The following ITPRIP variants were observed in gnomAD, a reference collection of about 807,000 sequenced individuals.
The protein encoded by ITPRIP is inositol 1,4,5-trisphosphate receptor-interacting protein.
A neutral mutation model predicts 35.8 loss-of-function variants in ITPRIP; 32 were observed. The observed-to-expected ratio is 0.89, with a 90% CI of 0.68 to 1.20. The LOEUF (loss-of-function observed/expected upper bound fraction) is 1.20, where lower values mean the gene tolerates loss of function less well. ITPRIP is among the 50% of genes most tolerant of loss of function. The pLI is 0.00. For synonymous variants in ITPRIP, 358 were observed against 324.0 expected (o/e 1.11, Z -1.13); for missense variants, 653 against 735.6 (o/e 0.89, Z 1.30).
At chr10:104,324,190 T>C (rs978936182) in intron 1 of ITPRIP, among the ~76,000 whole-genome samples, 1 of 152,208 alleles carries the variant, frequency 6.6e-6, no homozygotes, top group Non-Finnish European at 1.5e-5. Context: ...CTGCTCAGCC[T>C]GATTGGCTCC....
Position 104,313,492 on chromosome 10 carries a change from C to T in ITPRIP, c.*916G>A. The stretch of plus-strand genomic sequence containing the variant: ...AGTTTCTTTTCCAGCTGTCCTTTGC[C>T]ACAGTCACCCCGTGTGTCTCTTTCT... On this transcript the variant is annotated 3_prime_UTR_variant, in exon 2 of 2. Coordinates refer to ENST00000337478, the MANE Select transcript of ITPRIP (RefSeq NM_001272013.2). 7.1e-6 allele frequency: 7 copies of T among 985,716 alleles called. No individual in the cohort carries two copies. The highest frequency in any genetic ancestry group is 7.2e-6 in the Non-Finnish European group (6 of 830,140). 61.1% of individuals were successfully genotyped at this position (985,716 alleles called of 1,614,324 possible).
chr10:104,315,296 T>C lies in ITPRIP; in HGVS notation c.756A>G (p.Thr252=). 4 of 1,593,830 alleles carry C rather than the reference T, an allele frequency of 2.5e-6. No individual in the cohort carries two copies. The highest frequency in any genetic ancestry group is 2.2e-5 in the East Asian group (1 of 44,656). The change falls in exon 2 of 2, where the codon ACA becomes ACG. Residue 252 remains threonine (T), a synonymous_variant. Transcript: ENST00000337478. This position sits in a 1 kb window ranked among gnomAD's most constrained non-coding sequence, Gnocchi z 5.7. ...QIKVVRADGD[T]LSCICGKTKL... is the part of the protein sequence containing the mutation. ...TGGTCTTGCCGCAGATGCAGCTCAA[T>C]GTGTCCCCATCGGCGCGGACCACCT...
At position 104,311,598 on chromosome 10, in the gene ITPRIP, G is replaced by A. The variant is rs1338274585; in HGVS notation, c.*2810C>T. ...GGGGCTAGAGCTTTTGAGGATATAA[G>A]GCCCTTCCCCAACATAACCAGCCTC... is the stretch of plus-strand genomic sequence containing the variant. On this transcript the variant is annotated 3_prime_UTR_variant, in exon 2 of 2. Coordinates refer to ENST00000337478, the MANE Select transcript of ITPRIP (RefSeq NM_001272013.2). 10 of 152,314 alleles carry A rather than the reference G, an allele frequency of 6.6e-5. No homozygotes were observed. The East Asian group carries it at 1.9e-3, about 29-fold the overall frequency. 9.4% of individuals were successfully genotyped at this position (152,314 alleles called of 1,614,324 possible).
chr10:104,316,685 T>TTCATTTA (rs2013703132), intron 1 of ITPRIP, among the ~76,000 whole-genome samples: 1 of 152,232 alleles, frequency 6.6e-6, no homozygotes, highest in Non-Finnish European at 1.5e-5. Flanking sequence ...CATTGCTGTC[T>TTCATTTA]GAGCTCTTTA....
At position 104,315,319 on chromosome 10, in the gene ITPRIP, C is replaced by T. The variant is rs368222526; in HGVS notation, c.733G>A (p.Val245Met). Residue 245 changes from valine (V) to methionine (M), a missense_variant, in exon 2 of 2, where the codon GTG becomes ATG. Val to Met is a conservative substitution (Grantham distance 21, BLOSUM62 1). Transcript: ENST00000337478. This position sits in a 1 kb window ranked among gnomAD's most constrained non-coding sequence, Gnocchi z 5.7. ...AATGTGTCCCCATCGGCGCGGACCA[C>T]CTTGATCTGGCCGTAGCCCTGGCGA... The part of the protein sequence containing the change: ...LDRQGYGQIK[V>M]VRADGDTLSC... The T allele has an allele frequency of 2.4e-5, 37 of 1,573,408 alleles. No homozygotes were observed. The highest frequency in any genetic ancestry group is 4.0e-5 in the African/African-American group (3 of 74,206).
chr10:104,337,986 C>A (rs2135218560), intron 1 of ITPRIP, among the ~76,000 whole-genome samples: 1 of 152,290 alleles, frequency 6.6e-6, no homozygotes, highest in African/African-American at 2.4e-5. Context: ...CTGGCTGGAG[C>A]GAGCGCCCGG....
In ITPRIP at chr10:104,316,090, C is replaced by T. The variant is rs762792104; in HGVS notation, c.-13-26G>A. Reference sequence around the variant, plus strand: ...CTGGGAACAGAGAGACAGATGGTCACACCAAGCTTCCCTCAATGCCACTTC... The same window carrying T: ...CTGGGAACAGAGAGACAGATGGTCATACCAAGCTTCCCTCAATGCCACTTC... On this transcript the variant is annotated intron_variant, in intron 1 of 1. Transcript: ENST00000337478. The T allele has an allele frequency of 6.6e-6, 10 of 1,511,394 alleles. No homozygotes were observed. In the East Asian group the frequency reaches 1.8e-4, roughly 28 times the overall value. 93.6% of individuals were successfully genotyped at this position (1,511,394 alleles called of 1,614,324 possible). A position where few individuals can be genotyped will look rare whatever the true frequency, so the allele number is the denominator to read the frequency against.
chr10:104,315,265 C>G lies in ITPRIP; in HGVS notation c.787G>C (p.Gly263Arg). ...TGCAGGAGACACAGCATGTCTTCCC[C>G]GAGCTTGGTCTTGCCGCAGATGCAG... ...LSCICGKTKL[G>R]EDMLCLLHGR... Residue 263 changes from glycine to arginine, a missense_variant, in exon 2 of 2, where the codon GGG becomes CGG. By Grantham distance (125) the Gly-to-Arg change is moderately radical. Transcript: ENST00000337478. The surrounding 1 kb of genome is among the most constrained non-coding windows in gnomAD (Gnocchi z 5.7). The G allele has an allele frequency of 6.2e-7, 1 of 1,606,426 alleles. No individual in the cohort carries two copies. The highest frequency in any genetic ancestry group is 8.5e-7 in the Non-Finnish European group (1 of 1,175,046).
In ITPRIP at chr10:104,315,230, G is replaced by C. The variant is rs900912473; in HGVS notation, c.822C>G (p.Asn274Lys). The C allele has an allele frequency of 5.0e-6, 8 of 1,613,466 alleles. No individual in the cohort carries two copies. In the African/African-American group the frequency reaches 1.1e-4, roughly 22 times the overall value. Residue 274 changes from asparagine to lysine, a missense_variant, in exon 2 of 2, where the codon AAC becomes AAG. By Grantham distance (94) the Asn-to-Lys change is moderately conservative. Coordinates refer to ENST00000337478, the MANE Select transcript of ITPRIP (RefSeq NM_001272013.2). This position sits in a 1 kb window ranked among gnomAD's most constrained non-coding sequence, Gnocchi z 5.7. ...EDMLCLLHGRNSMAPPCGDME... is the reference protein window; with the variant it reads ...EDMLCLLHGRKSMAPPCGDME... ...TGTCGCCGCAGGGAGGCGCCATGCT[G>C]TTCCTGCCGTGCAGGAGACACAGCA...
Position 104,311,781 on chromosome 10 carries a change from A to C in ITPRIP, c.*2627T>G, listed in dbSNP as rs2013495206. On this transcript the variant is annotated 3_prime_UTR_variant, in exon 2 of 2. Coordinates refer to ENST00000337478, the MANE Select transcript of ITPRIP (RefSeq NM_001272013.2). ...GGCCAAAGTCCCCTAGAGGACTCAAAATCCTCTATTTAAAATACAATCTCT... is the reference window on the plus strand; with the variant it reads ...GGCCAAAGTCCCCTAGAGGACTCAACATCCTCTATTTAAAATACAATCTCT... The C allele has an allele frequency of 6.6e-6, 1 of 152,222 alleles. No homozygotes were observed. Among genetic ancestry groups the C allele is most frequent in the South Asian group, 2.1e-4 (1 of 4,838 alleles). The allele number at this position is 152,222 out of a possible 1,614,324, so 9.4% of individuals were successfully genotyped here.
chr10:104,337,350 C>T (rs1350951015), intron 1 of ITPRIP, among the ~76,000 whole-genome samples: 2 of 152,152 alleles, frequency 1.3e-5, no homozygotes, highest in Non-Finnish European at 2.9e-5. Context: ...TGGTACTCTA[C>T]TGTTTGTGAA....
chr10:104,336,695 A>T (rs1252467284), intron 1 of ITPRIP, among the ~76,000 whole-genome samples: 1 of 152,016 alleles, frequency 6.6e-6, no homozygotes, highest in Non-Finnish European at 1.5e-5. Flanking sequence ...ACAGGCAGCC[A>T]CCCAGCCCAG....
chr10:104,314,735 G>A lies in ITPRIP; in HGVS notation c.1317C>T (p.His439=). 2 of 1,613,874 alleles carry A rather than the reference G, an allele frequency of 1.2e-6. No homozygotes were observed. Among genetic ancestry groups the A allele is most frequent in the Non-Finnish European group, 1.7e-6 (2 of 1,179,942 alleles). The change falls in exon 2 of 2, where the codon CAC becomes CAT. Residue 439 remains histidine, a synonymous_variant. Transcript: ENST00000337478. ...CGGCGGCCTGCCGGAGGAGTAGGAG[G>A]TGCAGTAGGGCCGTCTTCAGGTGGT... ...SSYHLKTALL[H]LLLLRQAADW...
intron 1 of ITPRIP, among the ~76,000 whole-genome samples, chr10:104,318,066 G>A (rs930118775): frequency 2.0e-5 from 3 of 152,184 alleles, no homozygotes; most frequent in African/African-American, 7.2e-5. Context: ...GGAGGAAAGC[G>A]GGGACAGGAT....
intron 1 of ITPRIP, among the ~76,000 whole-genome samples, chr10:104,325,812 C>G (rs2013990201): frequency 6.6e-6 from 1 of 152,208 alleles, no homozygotes; most frequent in African/African-American, 2.4e-5. Context: ...TAGAGTAAGG[C>G]CTGTGGGCCC....
intron 1 of ITPRIP, among the ~76,000 whole-genome samples, chr10:104,321,038 T>C (rs983280300): frequency 3.9e-5 from 6 of 152,184 alleles, no homozygotes; most frequent in African/African-American, 1.4e-4. Context: ...GGACGGGTAG[T>C]GAGGAGCCTC....
intron 1 of ITPRIP, among the ~76,000 whole-genome samples, chr10:104,316,814 C>T (rs1370647697): frequency 6.6e-6 from 1 of 152,162 alleles, no homozygotes; most frequent in Non-Finnish European, 1.5e-5. Context: ...TGTCATCTTC[C>T]TGCAATACAG....
intron 1 of ITPRIP, among the ~76,000 whole-genome samples, chr10:104,331,111 CCTT>C (rs904629669): frequency 1.3e-5 from 2 of 152,242 alleles, no homozygotes; most frequent in African/African-American, 4.8e-5. Context: ...GAATGGAAAG[CCTT>C]CTCTGCAAAA....
intron 1 of ITPRIP, among the ~76,000 whole-genome samples, chr10:104,332,615 T>C (rs1260645286): frequency 2.6e-5 from 4 of 152,192 alleles, no homozygotes; most frequent in Non-Finnish European, 5.9e-5. Context: ...CCTGATAAGA[T>C]GTGGCGGAAA....
Sources: allele counts gnomAD v4.1 joint callset (sites outside exome capture counted in the v4.1 genomes callset), GRCh38; gene constraint gnomAD v4.1.1; non-coding constraint Gnocchi (gnomAD v3.1); transcripts MANE v1.5; gene names NCBI Gene and HGNC (gene_info 2026-07-23, HGNC 2026-07-21).